The following DDX11 variants were observed in gnomAD, a reference collection of about 807,000 sequenced individuals.
DDX11 encodes the protein ATP-dependent DNA helicase DDX11.
DDX11 carries 72 observed loss-of-function variants against 125.2 expected under a neutral mutation model. The observed-to-expected ratio is 0.58, with a 90% CI of 0.48 to 0.70. DDX11 has a LOEUF of 0.70. Ranked by LOEUF, DDX11 falls within the 30% of genes least tolerant of loss-of-function variation. DDX11 has a pLI of 0.00. For synonymous variants in DDX11, 347 were observed against 452.6 expected, an observed-to-expected ratio of 0.77 and a Z score of 2.96; for missense variants, 883 against 1,165.0, an observed-to-expected ratio of 0.76 and a Z score of 3.52.
intron 5 of DDX11, 72 bp from the exon 6 acceptor site, chr12:31,087,866 C>T (rs1943430795): frequency 9.7e-6 from 15 of 1,547,882 alleles, no homozygotes; most frequent in Non-Finnish European, 1.3e-5. Context: ...CACCAGCGCT[C>T]AGCAGATGCT....
chr12:31,085,238 C>T, intron 5 of DDX11, 112 bp downstream of exon 5: 1 of 1,364,864 alleles, frequency 7.3e-7, no homozygotes, highest in Non-Finnish European at 1.0e-6. Flanking sequence ...GGCATGGTGG[C>T]CTCTGCCCTC....
chr12:31,100,884 CAG>C, intron 19 of DDX11, 141 bp from the exon 20 acceptor site: 1 of 1,086,564 alleles, frequency 9.2e-7, no homozygotes, highest in South Asian at 1.3e-5. Context: ...GCCTGCTGCC[CAG>C]TGTGACTGGT....
rs772865522 is a variant in DDX11, at chr12:31,096,625, C to T, written c.1522-12C>T. 11 of 1,612,738 alleles carry T rather than the reference C, an allele frequency of 6.8e-6. No individual in the cohort carries two copies. The highest frequency in any genetic ancestry group is 9.3e-6 in the Non-Finnish European group (11 of 1,179,852). On this transcript the variant is annotated splice_polypyrimidine_tract_variant and intron_variant, in intron 15 of 26. Coordinates refer to ENST00000542838, the MANE Select transcript of DDX11 (RefSeq NM_030653.4). ...CTCGTTCCTCTCCACTGCTCTCTCT[C>T]ATCCCACCCAGCTCTTTGGATTCAC...
chr12:31,089,554 G>A, intron 8 of DDX11, 64 bp downstream of exon 8: 2 of 1,514,636 alleles, frequency 1.3e-6, no homozygotes, highest in Non-Finnish European at 1.8e-6. Context: ...GGGTGGCAGT[G>A]ACTGAAGACC....
chr12:31,084,143 G>A, intron 3 of DDX11, 82 bp downstream of exon 3: 1 of 1,566,004 alleles, frequency 6.4e-7, no homozygotes, highest in Non-Finnish European at 8.8e-7. Context: ...CCGAGACTCA[G>A]GCAGTGCATG....
chr12:31,090,506 G>A (rs1303407618), intron 9 of DDX11, among the ~76,000 whole-genome samples: 2 of 151,346 alleles, frequency 1.3e-5, no homozygotes, highest in Non-Finnish European at 1.5e-5. Context: ...TTTCCTTTTT[G>A]TAATATCAGT....
intron 18 of DDX11, among the ~76,000 whole-genome samples, chr12:31,100,099 G>A (rs951924388): frequency 3.3e-5 from 5 of 152,172 alleles, no homozygotes; most frequent in Admixed American, 6.5e-5. Context: ...GGCACATGCT[G>A]TTTGGTATTT....
chr12:31,103,863 C>T lies in DDX11; in HGVS notation c.*27C>T, dbSNP rs754539580. The T allele has an allele frequency of 6.2e-5, 100 of 1,613,866 alleles. No homozygotes were observed. The highest frequency in any genetic ancestry group is 1.2e-4 in the Admixed American group (7 of 59,996). ...GGGCAACCACACCACTGCCTGGCGC[C>T]GTGCCCTTCCTTTGTCCTGCCCGCT... On this transcript the variant is annotated 3_prime_UTR_variant, in exon 27 of 27. Transcript: ENST00000542838.
At chr12:31,091,196 C>G (rs1423496481) in intron 9 of DDX11, 1 of 152,670 alleles carries the variant, frequency 6.6e-6, no homozygotes, top group Non-Finnish European at 1.5e-5. Flanking sequence ...ACAACAAACA[C>G]CTAAAGATGT....
intron 23 of DDX11, 178 bp from the exon 24 acceptor site, chr12:31,102,758 C>A: frequency 1.4e-6 from 1 of 736,786 alleles, no homozygotes; most frequent in Non-Finnish European, 2.4e-6. Flanking sequence ...TTGGCCTAGA[C>A]GGGATCTCTC....
rs1945609563 is a variant in DDX11, at chr12:31,097,947, G to C, written c.1825G>C (p.Val609Leu). The C allele has an allele frequency of 6.2e-7, 1 of 1,613,916 alleles. No homozygotes were observed. ...LLNPAVHFAQ[V>L]VKECRAVVIA... is the part of the protein sequence containing the mutation. Reference sequence around the variant, plus strand: ...GAATCCAGCTGTGCACTTTGCCCAAGTGGTGAAGGAATGCCGGGCAGTGGT... The same window carrying C: ...GAATCCAGCTGTGCACTTTGCCCAACTGGTGAAGGAATGCCGGGCAGTGGT... The change falls in exon 18 of 27, where the codon GTG becomes CTG. Residue 609 changes from valine (V) to leucine (L), a missense_variant. By Grantham distance (32) the Val-to-Leu change is conservative. Around this residue, in one of 5 missense-constraint regions of DDX11, gnomAD observed 241 missense variants for 279.7 expected, o/e 0.86. Transcript: ENST00000542838.
chr12:31,101,912 AGT>A lies in DDX11; in HGVS notation c.2133_2134del (p.Tyr712ProfsTer28). The A allele has an allele frequency of 1.2e-6, 2 of 1,613,828 alleles. No homozygotes were observed. Among genetic ancestry groups the A allele is most frequent in the Non-Finnish European group, 1.7e-6 (2 of 1,179,830 alleles). On this transcript the variant is annotated frameshift_variant, in exon 21 of 27. Transcript: ENST00000542838. LOFTEE classifies it high-confidence loss of function. ...GTGGTCTGTTTCTTCCCCTCCTACG[AGT>A]ACCTGCGCCAGGTCCATGCCCACTG...
At chr12:31,080,072 C>T (rs1467650384) in intron 2 of DDX11, among the ~76,000 whole-genome samples, 2 of 129,810 alleles carry the variant, frequency 1.5e-5, no homozygotes, top group African/African-American at 6.3e-5. Flanking sequence ...CCTGGACTGC[C>T]TGTGTATGCT....
In DDX11 at chr12:31,092,879, G is replaced by A. The variant is rs377388469; in HGVS notation, c.1276G>A (p.Val426Met). 197 of 1,613,854 alleles carry A rather than the reference G, an allele frequency of 1.2e-4. No individual in the cohort carries two copies. The highest frequency in any genetic ancestry group is 8.3e-4 in the Middle Eastern group (5 of 6,054). Reference protein sequence around the residue: ...CQAHSQLLQYVERYGKRLKAK... With the variant: ...CQAHSQLLQYMERYGKRLKAK... Reference sequence around the variant, plus strand: ...GGCCCATTCCCAGCTGCTGCAGTACGTGGAGCGATACGGGTGAGATGTGAC... The same window carrying A: ...GGCCCATTCCCAGCTGCTGCAGTACATGGAGCGATACGGGTGAGATGTGAC... Residue 426 changes from valine (V) to methionine (M), a missense_variant, in exon 11 of 27, where the codon GTG becomes ATG. Val to Met is a conservative substitution (Grantham distance 21, BLOSUM62 1). Coordinates refer to ENST00000542838, the MANE Select transcript of DDX11 (RefSeq NM_030653.4).
rs746049802 is a variant in DDX11, at chr12:31,103,427, G to A, written c.2536+32G>A. 8.1e-6 allele frequency: 13 copies of A among 1,603,094 alleles called. No homozygotes were observed. The South Asian group carries it at 1.5e-4, about 18-fold the overall frequency. ...CTGGCTGCCTCCAGCTGGGTGGACA[G>A]ATGGGGGCTGGAGAAAGGGAGAACA... On this transcript the variant is annotated intron_variant, in intron 25 of 26. Transcript: ENST00000542838.
chr12:31,097,054 G>T (rs759191828), intron 17 of DDX11, 64 bp downstream of exon 17: 2 of 1,601,930 alleles, frequency 1.2e-6, no homozygotes, highest in Non-Finnish European at 1.7e-6. Flanking sequence ...CCCGGGAGCC[G>T]CAGCGTGAAA....
intron 2 of DDX11, among the ~76,000 whole-genome samples, chr12:31,080,296 G>A (rs1343594567): frequency 1.3e-5 from 2 of 151,910 alleles, no homozygotes; most frequent in East Asian, 1.9e-4. Flanking sequence ...CTGGGGAAGG[G>A]GATCCAGGTG....
chr12:31,080,408 C>A (rs547883497), intron 2 of DDX11, among the ~76,000 whole-genome samples: 91 of 152,348 alleles, frequency 6.0e-4, no homozygotes, highest in Middle Eastern at 3.4e-3. Context: ...GCTCAGCTTC[C>A]ACTTAGAGCC....
chr12:31,084,999 C>G lies in DDX11; in HGVS notation c.511C>G (p.Leu171Val). 1 of 1,610,496 alleles carries G rather than the reference C, an allele frequency of 6.2e-7. No individual in the cohort carries two copies. Among genetic ancestry groups the G allele is most frequent in the African/African-American group, 1.3e-5 (1 of 74,956 alleles). ...RQEEEERENL[L>V]RLSREMLETG... is the part of the protein sequence containing the mutation. Reference sequence around the variant, plus strand: ...GGAAGAAGAAGAAAGAGAGAATCTCCTCCGCCTCAGCAGGGAGATGCTAGA... The same window carrying G: ...GGAAGAAGAAGAAAGAGAGAATCTCGTCCGCCTCAGCAGGGAGATGCTAGA... The change falls in exon 5 of 27, where the codon CTC becomes GTC. Residue 171 changes from leucine to valine, a missense_variant. Leu to Val is a conservative substitution (Grantham distance 32, BLOSUM62 1). Around this residue, in one of 5 missense-constraint regions of DDX11, gnomAD observed 283 missense variants for 359.6 expected, o/e 0.79. Transcript: ENST00000542838.
Sources: gnomAD v4.1 joint callset for allele counts (sites outside exome capture counted in the v4.1 genomes callset) on GRCh38, gnomAD v4.1.1 for gene constraint, gnomAD v4.1.1 regional missense constraint, MANE v1.5 for transcripts, NCBI Gene and HGNC (gene_info 2026-07-23, HGNC 2026-07-21) for gene names.